The following DKK3 variants were observed in gnomAD, a reference collection of about 807,000 sequenced individuals.
DKK3 encodes the protein dickkopf-related protein 3.
DKK3 carries 22 observed loss-of-function variants against 33.2 expected under a neutral mutation model. The observed-to-expected ratio is 0.66, with a 90% confidence interval of 0.47 to 0.95. DKK3 has a LOEUF of 0.95. Ranked by LOEUF, DKK3 falls within the 40% of genes least tolerant of loss-of-function variation. DKK3 has a pLI of 0.00. For synonymous variants in DKK3, 194 were observed against 188.8 expected (o/e 1.03, Z -0.23); for missense variants, 398 against 458.4 (o/e 0.87, Z 1.20).
intron 3 of DKK3, among the ~76,000 whole-genome samples, chr11:11,973,168 G>T (rs1847760574): frequency 6.6e-6 from 1 of 152,198 alleles, no homozygotes; most frequent in Non-Finnish European, 1.5e-5. Flanking sequence ...CCCGCCACCT[G>T]GCACAATTTC....
intron 1 of DKK3, among the ~76,000 whole-genome samples, chr11:12,004,868 T>C (rs558221968): frequency 6.6e-6 from 1 of 152,208 alleles, no homozygotes; most frequent in Non-Finnish European, 1.5e-5. Context: ...AATGGGTAGC[T>C]AGAAGCAGGA....
At chr11:12,009,566 C>T (rs544663958), upstream of DKK3, 175 of 983,132 alleles carry the variant, frequency 1.8e-4, no homozygotes, top group African/African-American at 3.0e-3. Context: ...ATCCCAGGCC[C>T]GTCTTCTCTG....
At chr11:11,989,173 T>C (rs1346712828) in intron 3 of DKK3, among the ~76,000 whole-genome samples, 1 of 152,224 alleles carries the variant, frequency 6.6e-6, no homozygotes, top group Non-Finnish European at 1.5e-5. Context: ...TAGAATGACC[T>C]TATGATCTAG....
chr11:11,965,344 A>G (rs1191253849), intron 6 of DKK3, among the ~76,000 whole-genome samples: 1 of 152,162 alleles, frequency 6.6e-6, no homozygotes, highest in Non-Finnish European at 1.5e-5. Context: ...GAGGACAGGG[A>G]GATGTGCCCT....
intron 3 of DKK3, among the ~76,000 whole-genome samples, chr11:11,995,124 G>A (rs1848264380): frequency 6.6e-6 from 1 of 152,194 alleles, no homozygotes; most frequent in Non-Finnish European, 1.5e-5. Context: ...CTGTCACCCA[G>A]GCTGGAGTGC....
chr11:11,971,180 G>T (rs907845982), intron 3 of DKK3, among the ~76,000 whole-genome samples: 1 of 152,000 alleles, frequency 6.6e-6, no homozygotes, highest in Non-Finnish European at 1.5e-5. Flanking sequence ...TGTGTTTAAG[G>T]CTATATCGTT....
intron 5 of DKK3, 45 bp from the exon 6 acceptor site, chr11:11,966,010 G>C: frequency 6.4e-7 from 1 of 1,566,958 alleles, no homozygotes; most frequent in Non-Finnish European, 8.6e-7. Flanking sequence ...GTGTAGGGTA[G>C]AAGGGCTCCA....
intron 2 of DKK3, chr11:12,001,887 T>G (rs1466628810): frequency 6.5e-6 from 1 of 154,462 alleles, no homozygotes; most frequent in Admixed American, 6.5e-5. Context: ...TAAAAAAAAG[T>G]GAGGGTCAAT....
chr11:12,005,259 T>C (rs1401416458), intron 1 of DKK3, among the ~76,000 whole-genome samples: 12 of 152,208 alleles, frequency 7.9e-5, no homozygotes, highest in Non-Finnish European at 1.3e-4. Context: ...GGTTCTTAAA[T>C]GGCACCATGA....
chr11:12,001,073 G>T (rs891950035), intron 2 of DKK3, among the ~76,000 whole-genome samples: 2 of 152,172 alleles, frequency 1.3e-5, no homozygotes, highest in African/African-American at 4.8e-5. Context: ...CTAGTGACTG[G>T]TAGGACTCAC....
intron 3 of DKK3, among the ~76,000 whole-genome samples, chr11:11,996,878 C>G (rs1848306205): frequency 6.6e-6 from 1 of 152,226 alleles, no homozygotes; most frequent in Non-Finnish European, 1.5e-5. Context: ...GATTCTGGGC[C>G]TCCCAGATGA....
At chr11:12,008,679 T>TCCG (rs1445468506), upstream of DKK3, 33 of 1,209,766 alleles carry the variant, frequency 2.7e-5, no homozygotes, top group Admixed American at 1.4e-4. The surrounding 1 kb of genome is among the most constrained non-coding windows in gnomAD (Gnocchi z 4.6). Flanking sequence ...CCCGCCCCGT[T>TCCG]CCGCCCCGCC....
chr11:11,970,844 T>G (rs1327710427), intron 3 of DKK3, among the ~76,000 whole-genome samples: 3 of 152,182 alleles, frequency 2.0e-5, no homozygotes, highest in Non-Finnish European at 2.9e-5. Context: ...ACTCTTTGCT[T>G]TTAGCCCAGT....
At chr11:11,968,987 G>A (rs564859571) in intron 3 of DKK3, among the ~76,000 whole-genome samples, 91 of 152,292 alleles carry the variant, frequency 6.0e-4, no homozygotes, top group Admixed American at 1.0e-3. Context: ...CGCCCTCAGG[G>A]TCCTGGGTCT....
At chr11:11,996,051 T>C (rs1013217411) in intron 3 of DKK3, among the ~76,000 whole-genome samples, 1 of 152,254 alleles carries the variant, frequency 6.6e-6, no homozygotes, top group African/African-American at 2.4e-5. Context: ...TGATTACTTT[T>C]AATTGAATTC....
At chr11:11,998,931 A>C in intron 2 of DKK3, 152 bp from the exon 3 acceptor site, 1 of 669,624 alleles carries the variant, frequency 1.5e-6, no homozygotes, top group Non-Finnish European at 2.6e-6. Flanking sequence ...GAGTTCCCCC[A>C]GCAGCTGTGA....
At position 12,008,408 on chromosome 11, in the gene DKK3, C is replaced by CCAT; in HGVS notation, c.172_174dup (p.Met58dup). ...CTGCGCAATTTGTGCTGCGTGTCCTCCATCAGTTCCTCAACCTCGCGGAAC... is the reference window on the plus strand; with the variant it reads ...CTGCGCAATTTGTGCTGCGTGTCCTCCATCATCAGTTCCTCAACCTCGCGGAAC... On this transcript the variant is annotated inframe_insertion, in exon 1 of 7. Transcript: ENST00000683431. The surrounding 1 kb of genome is among the most constrained non-coding windows in gnomAD (Gnocchi z 4.6). The CCAT allele has an allele frequency of 6.2e-7, 1 of 1,609,132 alleles. No individual in the cohort carries two copies. The highest frequency in any genetic ancestry group is 8.5e-7 in the Non-Finnish European group (1 of 1,178,646).
intron 5 of DKK3, 81 bp downstream of exon 5, chr11:11,966,873 G>T: frequency 6.4e-7 from 1 of 1,560,458 alleles, no homozygotes; most frequent in African/African-American, 1.3e-5. Context: ...CCATGTGGTT[G>T]GCATGGACGT....
Position 11,965,820 on chromosome 11 carries a change from G to T in DKK3, c.819C>A (p.Cys273Ter). Reference sequence around the variant, plus strand: ...TTAGGGGGCCTCACCTGTGGGGCTGGCAGAGGAGGCCACTGGCACAAGGGC... The same window carrying T: ...TTAGGGGGCCTCACCTGTGGGGCTGTCAGAGGAGGCCACTGGCACAAGGGC... ...DRCPCASGLL[C>*]QPHSHSLVYV... The change falls in exon 6 of 7, where the codon TGC becomes TGA. Residue 273 changes from cysteine (C) to a stop codon, truncating the protein, a stop_gained. Transcript: ENST00000683431. LOFTEE classifies it low-confidence loss of function (END_TRUNC). 1 of 1,613,986 alleles carries T rather than the reference G, an allele frequency of 6.2e-7. No homozygotes were observed. The highest frequency in any genetic ancestry group is 8.5e-7 in the Non-Finnish European group (1 of 1,180,024).
Sources: allele counts gnomAD v4.1 joint callset (sites outside exome capture counted in the v4.1 genomes callset), GRCh38; gene constraint gnomAD v4.1.1; non-coding constraint Gnocchi (gnomAD v3.1); transcripts MANE v1.5; gene names NCBI Gene and HGNC (gene_info 2026-07-23, HGNC 2026-07-21).